CAMSAP1: variants seen among roughly 807,000 people sequenced by gnomAD.
CAMSAP1 encodes the protein calmodulin-regulated spectrin-associated protein 1.
A neutral mutation model predicts 143.5 loss-of-function variants in CAMSAP1; 58 were observed. That is an observed-to-expected ratio of 0.40 (90% CI 0.33 to 0.50). The LOEUF (loss-of-function observed/expected upper bound fraction) is 0.50, where lower values mean the gene tolerates loss of function less well. Among genes scored for constraint, CAMSAP1 ranks in the 20% least tolerant of loss-of-function variants. The pLI, the probability that CAMSAP1 is intolerant of heterozygous loss-of-function variation, is 0.45. For missense variants in CAMSAP1, 1,969 were observed against 2,115.7 expected (o/e 0.93, Z 1.36); for synonymous variants, 945 against 859.3 (o/e 1.10, Z -1.74).
chr9:135,823,981 C>A lies in CAMSAP1; in HGVS notation c.1369G>T (p.Ala457Ser). The A allele has an allele frequency of 6.3e-7, 1 of 1,588,802 alleles. No individual in the cohort carries two copies. Among genetic ancestry groups the A allele is most frequent in the East Asian group, 2.3e-5 (1 of 44,074 alleles). The change falls in exon 10 of 17, where the codon GCA becomes TCA. Residue 457 changes from alanine (A) to serine (S), a missense_variant. Ala to Ser is a moderately conservative substitution (Grantham distance 99). Around this residue, in one of 4 missense-constraint regions of CAMSAP1, gnomAD observed 1,390 missense variants for 1,420.8 expected, o/e 0.98. Coordinates refer to ENST00000389532, the MANE Select transcript of CAMSAP1 (RefSeq NM_015447.4). ...LTRVDGQPRG[A>S]AIAWPEKKTR... ...TTTTTTTCTGGCCAGGCTATTGCTG[C>A]TCCTCGAGGCTGACCATCAACTCGG...
chr9:135,883,205 C>G, intron 1 of CAMSAP1, 127 bp from the exon 2 acceptor site: 1 of 970,426 alleles, frequency 1.0e-6, no homozygotes, highest in Non-Finnish European at 1.5e-6. Context: ...GACCAAGTGT[C>G]AAAAAAAATA....
At position 135,821,577 on chromosome 9, in the gene CAMSAP1, G is replaced by A. The variant is rs758879199; in HGVS notation, c.3084C>T (p.Asn1028=). 1.9e-5 allele frequency: 30 copies of A among 1,613,860 alleles called. 1 individual carries two copies. Among genetic ancestry groups the A allele is most frequent in the East Asian group, 6.7e-5 (3 of 44,900 alleles). ...NECDLSIEKL[N]ETISTLQQAI... is the part of the protein sequence containing the mutation. ...CCTGCTGCAGCGTACTGATGGTTTC[G>A]TTAAGCTTCTCGATGGAAAGGTCAC... Residue 1028 remains asparagine, a synonymous_variant, in exon 11 of 17, where the codon AAC becomes AAT. Transcript: ENST00000389532. This position sits in a 1 kb window ranked among gnomAD's most constrained non-coding sequence, Gnocchi z 4.6.
Position 135,810,890 on chromosome 9 carries a change from T to G in CAMSAP1, c.*419A>C. Reference sequence around the variant, plus strand: ...AGATTACAGCTGGCCAATATGAGGGTGTCAGGCAATGTGCAAGGGGGCGAG... The same window carrying G: ...AGATTACAGCTGGCCAATATGAGGGGGTCAGGCAATGTGCAAGGGGGCGAG... On this transcript the variant is annotated 3_prime_UTR_variant, in exon 17 of 17. Coordinates refer to ENST00000389532, the MANE Select transcript of CAMSAP1 (RefSeq NM_015447.4). 5.1e-6 allele frequency: 1 copy of G among 195,006 alleles called. No homozygotes were observed. Among genetic ancestry groups the G allele is most frequent in the Non-Finnish European group, 1.1e-5 (1 of 93,902 alleles). The allele number at this position is 195,006 out of a possible 1,614,324, so 12.1% of individuals were successfully genotyped here.
chr9:135,859,493 C>T (rs907806420), intron 5 of CAMSAP1, among the ~76,000 whole-genome samples: 5 of 152,052 alleles, frequency 3.3e-5, no homozygotes, highest in South Asian at 2.1e-4. Context: ...CCTGGGTTCA[C>T]GCCATTCTCC....
At chr9:135,867,423 T>C (rs947778945) in intron 3 of CAMSAP1, among the ~76,000 whole-genome samples, 6 of 150,904 alleles carry the variant, frequency 4.0e-5, no homozygotes, top group South Asian at 2.1e-4. Flanking sequence ...GGCACGAAGA[T>C]CACTTGAGTC....
At chr9:135,855,628 C>G (rs1252699954) in intron 5 of CAMSAP1, among the ~76,000 whole-genome samples, 1 of 151,476 alleles carries the variant, frequency 6.6e-6, no homozygotes, top group East Asian at 1.9e-4. Context: ...GTAGTCCCAG[C>G]TACTTGGGAG....
intron 5 of CAMSAP1, among the ~76,000 whole-genome samples, chr9:135,859,014 G>A (rs1289487984): frequency 2.6e-5 from 4 of 152,202 alleles, no homozygotes; most frequent in African/African-American, 9.7e-5. Context: ...GACACACCCA[G>A]AAACAATGCT....
chr9:135,809,805 C>T lies in CAMSAP1; in HGVS notation c.*1504G>A, dbSNP rs1253299970. ...GTGTCGAACACGATATATACAAAATCGCAAGAGACTGTACTTCTCTTCAAA... is the reference window on the plus strand; with the variant it reads ...GTGTCGAACACGATATATACAAAATTGCAAGAGACTGTACTTCTCTTCAAA... On this transcript the variant is annotated 3_prime_UTR_variant, in exon 17 of 17. Transcript: ENST00000389532. 6.6e-6 allele frequency: 1 copy of T among 152,510 alleles called. No individual in the cohort carries two copies. Among genetic ancestry groups the T allele is most frequent in the Non-Finnish European group, 1.5e-5 (1 of 68,028 alleles). 9.4% of individuals were successfully genotyped at this position (152,510 alleles called of 1,614,324 possible). A position where few individuals can be genotyped will look rare whatever the true frequency, so the allele number is the denominator to read the frequency against.
In CAMSAP1 at chr9:135,827,475, C is replaced by G. The variant is rs773800509; in HGVS notation, c.1155G>C (p.Gln385His). Residue 385 changes from glutamine (Q) to histidine (H), a missense_variant, in exon 8 of 17, where the codon CAG becomes CAC. Transcript: ENST00000389532. ...SPAAGTLAEL[Q>H]PPVQLPAEGC... ...CTTCCGCCGGCAGCTGCACGGGGGGCTGCAGCTCAGCCAGGGTCCCTGCAG... is the reference window on the plus strand; with the variant it reads ...CTTCCGCCGGCAGCTGCACGGGGGGGTGCAGCTCAGCCAGGGTCCCTGCAG... 3.1e-6 allele frequency: 5 copies of G among 1,610,364 alleles called. No individual in the cohort carries two copies. In the African/African-American group the frequency reaches 6.7e-5, roughly 22 times the overall value.
intron 1 of CAMSAP1, among the ~76,000 whole-genome samples, chr9:135,892,013 A>T (rs923113734): frequency 5.3e-5 from 8 of 152,226 alleles, no homozygotes; most frequent in African/African-American, 1.9e-4. Context: ...AACTGATGGG[A>T]TAAAATGGCA....
chr9:135,899,300 C>T (rs1297307489), intron 1 of CAMSAP1, among the ~76,000 whole-genome samples: 2 of 151,736 alleles, frequency 1.3e-5, no homozygotes, highest in Non-Finnish European at 2.9e-5. Flanking sequence ...TCTCAAAGGT[C>T]CAAAATGGCC....
At chr9:135,856,573 C>T (rs962385746) in intron 5 of CAMSAP1, among the ~76,000 whole-genome samples, 19 of 152,186 alleles carry the variant, frequency 1.2e-4, no homozygotes, top group Admixed American at 1.2e-3. Flanking sequence ...GACTAAGAGG[C>T]TACAGCCCAC....
intron 1 of CAMSAP1, among the ~76,000 whole-genome samples, chr9:135,900,330 A>G (rs937477993): frequency 1.3e-5 from 2 of 152,010 alleles, no homozygotes; most frequent in African/African-American, 2.4e-5. Context: ...ACCCCCAGAT[A>G]TAAGTTTAAT....
rs1835697912 is a variant in CAMSAP1 at position 135,826,973 on chromosome 9, AAATT to A, written c.1223+430_1223+433del. ...CTCTATACACTTTTTCACTCGAATC[AAATT>A]AATTCTTCCCCAAAGAGCAAACAAA... is the stretch of plus-strand genomic sequence containing the variant. On this transcript the variant is annotated intron_variant, in intron 8 of 16. Coordinates refer to ENST00000389532, the MANE Select transcript of CAMSAP1 (RefSeq NM_015447.4). The surrounding 1 kb of genome is among the most constrained non-coding windows in gnomAD (Gnocchi z 4.4). 6.6e-6 allele frequency among the ~76,000 whole-genome samples: 1 copy of A among 152,260 alleles called. No homozygotes were observed. The highest frequency in any genetic ancestry group is 2.1e-4 in the South Asian group (1 of 4,838).
At chr9:135,835,087 G>A (rs924893803) in intron 7 of CAMSAP1, among the ~76,000 whole-genome samples, 1 of 152,074 alleles carries the variant, frequency 6.6e-6, no homozygotes, top group Non-Finnish European at 1.5e-5. Context: ...AGCTGGCTGA[G>A]GCAAAATGTG....
Position 135,827,562 on chromosome 9 carries a change from C to A in CAMSAP1, c.1068G>T (p.Lys356Asn). The change falls in exon 8 of 17, where the codon AAG becomes AAT. Residue 356 changes from lysine (K) to asparagine (N), a missense_variant. By Grantham distance (94) the Lys-to-Asn change is moderately conservative (BLOSUM62 0). Around this residue, in one of 4 missense-constraint regions of CAMSAP1, gnomAD observed 221 missense variants for 298.2 expected, o/e 0.74. Transcript: ENST00000389532. Reference sequence around the variant, plus strand: ...AGATCGGTACAGGAGGCCGGCTGCTCTTCTGGTGTAACACTGTTTTCGCTG... The same window carrying A: ...AGATCGGTACAGGAGGCCGGCTGCTATTCTGGTGTAACACTGTTTTCGCTG... ...LKDAKTVLHQ[K>N]SSRPPVPISN... 1.3e-6 allele frequency: 2 copies of A among 1,598,248 alleles called. No homozygotes were observed. Among genetic ancestry groups the A allele is most frequent in the Non-Finnish European group, 1.7e-6 (2 of 1,168,476 alleles).
intron 1 of CAMSAP1, among the ~76,000 whole-genome samples, chr9:135,903,122 A>ACAGTGGC (rs1353681060): frequency 6.6e-6 from 1 of 151,046 alleles, no homozygotes; most frequent in Non-Finnish European, 1.5e-5. Flanking sequence ...TACAAAACGC[A>ACAGTGGC]CAGTGGCCGA....
rs1313984492 is a variant in CAMSAP1 at position 135,809,472 on chromosome 9, C to A, written c.*1837G>T. 1 of 152,294 alleles carries A rather than the reference C, an allele frequency of 6.6e-6. No homozygotes were observed. Among genetic ancestry groups the A allele is most frequent in the Non-Finnish European group, 1.5e-5 (1 of 68,036 alleles). 9.4% of individuals were successfully genotyped at this position (152,294 alleles called of 1,614,324 possible). Reference sequence around the variant, plus strand: ...ATTAAAAAGAATCCAATTCCACTGACTTCGATAGGGCCATGGTAAAGAACA... The same window carrying A: ...ATTAAAAAGAATCCAATTCCACTGAATTCGATAGGGCCATGGTAAAGAACA... On this transcript the variant is annotated 3_prime_UTR_variant, in exon 17 of 17. Coordinates refer to ENST00000389532, the MANE Select transcript of CAMSAP1 (RefSeq NM_015447.4).
intron 1 of CAMSAP1, among the ~76,000 whole-genome samples, chr9:135,888,855 C>T (rs1838207237): frequency 6.6e-6 from 1 of 152,220 alleles, no homozygotes; most frequent in Admixed American, 6.5e-5. Context: ...CCACCTGACC[C>T]CCACCCAGGG....
Sources: gnomAD v4.1 joint callset for allele counts (sites outside exome capture counted in the v4.1 genomes callset) on GRCh38, gnomAD v4.1.1 for gene constraint, gnomAD v4.1.1 regional missense constraint, Gnocchi (gnomAD v3.1) non-coding constraint, MANE v1.5 for transcripts, NCBI Gene and HGNC (gene_info 2026-07-23, HGNC 2026-07-21) for gene names.